CLK3: variants seen among roughly 807,000 people sequenced by gnomAD.
CLK3 encodes the protein dual specificity protein kinase CLK3.
Under a neutral mutation model 65.2 loss-of-function variants are expected in CLK3, and 24 were observed. The observed-to-expected ratio is 0.37, with a 90% CI of 0.27 to 0.52. CLK3 has a LOEUF of 0.52. CLK3 is among the 20% of genes least tolerant of loss of function. CLK3 has a pLI of 0.92. For missense variants in CLK3, 506 were observed against 660.0 expected (o/e 0.77, Z 2.56); for synonymous variants, 252 against 240.8 (o/e 1.05, Z -0.43).
In CLK3 at chr15:74,630,156, C is replaced by T; in HGVS notation, c.*273C>T. ...GTGTGTCCATCTCCAGGCTCCTTGCCTTCCCCTTACCTGACCTTATTAATA... is the reference window on the plus strand; with the variant it reads ...GTGTGTCCATCTCCAGGCTCCTTGCTTTCCCCTTACCTGACCTTATTAATA... On this transcript the variant is annotated 3_prime_UTR_variant, in exon 13 of 13. Coordinates refer to ENST00000395066, the MANE Select transcript of CLK3 (RefSeq NM_001130028.2). 1 of 398,316 alleles carries T rather than the reference C, an allele frequency of 2.5e-6. No individual in the cohort carries two copies. The highest frequency in any genetic ancestry group is 4.6e-6 in the Non-Finnish European group (1 of 219,384). The allele number at this position is 398,316 out of a possible 1,614,324, so 24.7% of individuals were successfully genotyped here.
In CLK3 at chr15:74,624,992, C is replaced by A; in HGVS notation, c.624C>A (p.Ile208=). 6.2e-7 allele frequency: 1 copy of A among 1,613,780 alleles called. No individual in the cohort carries two copies. Among genetic ancestry groups the A allele is most frequent in the Non-Finnish European group, 8.5e-7 (1 of 1,179,796 alleles). The change falls in exon 6 of 13, where the codon ATC becomes ATA. Residue 208 remains isoleucine (I), a synonymous_variant. Transcript: ENST00000395066. This position sits in a 1 kb window ranked among gnomAD's most constrained non-coding sequence, Gnocchi z 4.2. ...TAGAAATCAACGTGCTCAAAAAAAT[C>A]AAGGAGAAGGACAAAGAAAACAAGT... ...ARLEINVLKK[I]KEKDKENKFL... is the part of the protein sequence containing the mutation.
At chr15:74,615,095 A>G (rs1345229295), upstream of CLK3, 1 of 256,096 alleles carries the variant, frequency 3.9e-6, no homozygotes, top group Admixed American at 5.5e-5. Context: ...GGCCTCTGCA[A>G]AAGGGGGCTG....
At chr15:74,615,635 G>A (rs767730663), upstream of CLK3, 16 of 1,252,080 alleles carry the variant, frequency 1.3e-5, no homozygotes, top group Admixed American at 4.2e-5. Context: ...GGCGGGAGGC[G>A]GGCCGGGCCA....
intron 6 of CLK3, among the ~76,000 whole-genome samples, chr15:74,625,293 T>C (rs927325005): frequency 1.3e-5 from 2 of 152,078 alleles, no homozygotes; most frequent in African/African-American, 4.8e-5. Context: ...AAACATGAAG[T>C]TGGGGCTCTC....
chr15:74,622,081 C>A lies in CLK3; in HGVS notation c.370-39C>A, dbSNP rs201329852. The A allele has an allele frequency of 1.3e-6, 2 of 1,588,594 alleles. No homozygotes were observed. Among genetic ancestry groups the A allele is most frequent in the Non-Finnish European group, 1.7e-6 (2 of 1,157,034 alleles). On this transcript the variant is annotated intron_variant, in intron 3 of 12. Coordinates refer to ENST00000395066, the MANE Select transcript of CLK3 (RefSeq NM_001130028.2). This position sits in a 1 kb window ranked among gnomAD's most constrained non-coding sequence, Gnocchi z 4.6. ...CTGTCAATCGGAACCGCCTACCATGCGATTGGTCGGATGGCGTTTCGGGGG... is the reference window on the plus strand; with the variant it reads ...CTGTCAATCGGAACCGCCTACCATGAGATTGGTCGGATGGCGTTTCGGGGG...
chr15:74,627,324 A>G lies in CLK3; in HGVS notation c.818-28A>G. ...CAGGAGAGCCAGCTTCTCAGTGCCT[A>G]CTTCCCCTTCTTTCCCTGCTACCTT... On this transcript the variant is annotated intron_variant, in intron 7 of 12. Coordinates refer to ENST00000395066, the MANE Select transcript of CLK3 (RefSeq NM_001130028.2). The surrounding 1 kb of genome is among the most constrained non-coding windows in gnomAD (Gnocchi z 4.3). 1 of 1,582,658 alleles carries G rather than the reference A, an allele frequency of 6.3e-7. No homozygotes were observed. Among genetic ancestry groups the G allele is most frequent in the Non-Finnish European group, 8.7e-7 (1 of 1,151,398 alleles).
At position 74,625,855 on chromosome 15, in the gene CLK3, C is replaced by T; in HGVS notation, c.704C>T (p.Ala235Val). The change falls in exon 7 of 13, where the codon GCC becomes GTC. Residue 235 changes from alanine (A) to valine (V), a missense_variant. By Grantham distance (64) the Ala-to-Val change is moderately conservative. Coordinates refer to ENST00000395066, the MANE Select transcript of CLK3 (RefSeq NM_001130028.2). Reference protein sequence around the residue: ...WFNFHGHMCIAFELLGKNTFE... With the variant: ...WFNFHGHMCIVFELLGKNTFE... The stretch of plus-strand genomic sequence containing the variant: ...AACTTCCACGGTCACATGTGCATCG[C>T]CTTTGAGCTCCTGGGCAAGAACACC... 1 of 1,614,152 alleles carries T rather than the reference C, an allele frequency of 6.2e-7. No individual in the cohort carries two copies. The highest frequency in any genetic ancestry group is 8.5e-7 in the Non-Finnish European group (1 of 1,180,026).
rs957909642 is a variant in CLK3, at chr15:74,627,982, C to T, written c.1055C>T (p.Ala352Val). 6.2e-7 allele frequency: 1 copy of T among 1,613,266 alleles called. No individual in the cohort carries two copies. Among genetic ancestry groups the T allele is most frequent in the Non-Finnish European group, 8.5e-7 (1 of 1,179,164 alleles). The change falls in exon 10 of 13, where the codon GCA becomes GTA. Residue 352 changes from alanine to valine, a missense_variant. By Grantham distance (64) the Ala-to-Val change is moderately conservative. Coordinates refer to ENST00000395066, the MANE Select transcript of CLK3 (RefSeq NM_001130028.2). The surrounding 1 kb of genome is among the most constrained non-coding windows in gnomAD (Gnocchi z 4.3). Reference sequence around the variant, plus strand: ...TCTTGGCTTGCAGAGCTGGGCTGGGCACAGCCCTGTGACGTCTGGAGCATT... The same window carrying T: ...TCTTGGCTTGCAGAGCTGGGCTGGGTACAGCCCTGTGACGTCTGGAGCATT... The part of the protein sequence containing the change: ...PPEVILELGW[A>V]QPCDVWSIGC...
Position 74,625,031 on chromosome 15 carries a change from A to G in CLK3, c.650+13A>G. The G allele has an allele frequency of 6.3e-7, 1 of 1,596,052 alleles. No individual in the cohort carries two copies. Among genetic ancestry groups the G allele is most frequent in the Non-Finnish European group, 8.6e-7 (1 of 1,163,706 alleles). ...AAGAAAACAAGTTGTGAGTATCTGC[A>G]AGGAGTGGGAGGGAAGCCTTCAGTG... On this transcript the variant is annotated intron_variant, in intron 6 of 12. Transcript: ENST00000395066.
chr15:74,615,538 G>C, upstream of CLK3: 1 of 1,285,986 alleles, frequency 7.8e-7, no homozygotes, highest in Non-Finnish European at 9.9e-7. Context: ...CCACGGCCAG[G>C]TCGGGGCCCC....
chr15:74,619,120 C>T, intron 1 of CLK3, 77 bp from the exon 2 acceptor site: 34 of 1,569,072 alleles, frequency 2.2e-5, no homozygotes, highest in Non-Finnish European at 2.6e-5. Context: ...CAGGAGCAAC[C>T]GGGAAGCCCC....
At chr15:74,612,070 C>T (rs950868201), upstream of CLK3, among the ~76,000 whole-genome samples, 15 of 152,226 alleles carry the variant, frequency 9.9e-5, no homozygotes, top group Non-Finnish European at 1.9e-4. Context: ...ACCCCATTAT[C>T]CTCACAGCAG....
chr15:74,614,968 G>A (rs940026877), upstream of CLK3: 97 of 156,044 alleles, frequency 6.2e-4, 1 homozygote, highest in African/African-American at 1.7e-3. Context: ...CACGCTCACA[G>A]TGAGGTCTCA....
Position 74,627,935 on chromosome 15 carries a change from C to G in CLK3, c.1043-35C>G, listed in dbSNP as rs373269574. ...GACTTCCAGGCTGGAAGCATAAGGC[C>G]GGATCTCACAGCCTCTCCCCATCTT... is the stretch of plus-strand genomic sequence containing the variant. On this transcript the variant is annotated intron_variant, in intron 9 of 12. Transcript: ENST00000395066. The surrounding 1 kb of genome is among the most constrained non-coding windows in gnomAD (Gnocchi z 4.3). 3 of 1,528,994 alleles carry G rather than the reference C, an allele frequency of 2.0e-6. No individual in the cohort carries two copies. Among genetic ancestry groups the G allele is most frequent in the African/African-American group, 1.4e-5 (1 of 73,256 alleles). The allele number at this position is 1,528,994 out of a possible 1,614,324, so 94.7% of individuals were successfully genotyped here. A position where few individuals can be genotyped will look rare whatever the true frequency, so the allele number is the denominator to read the frequency against.
At chr15:74,619,734 C>G (rs2062086532) in intron 2 of CLK3, among the ~76,000 whole-genome samples, 1 of 152,156 alleles carries the variant, frequency 6.6e-6, no homozygotes, top group African/African-American at 2.4e-5. Flanking sequence ...CCACAGGGAA[C>G]TCTGGAAGGG....
chr15:74,627,360 G>A lies in CLK3; in HGVS notation c.826G>A (p.Glu276Lys). ...TTTCCCTGCTACCTTAGTTCTGCAT[G>A]AGAATCAGCTGACCCATACAGACTT... ...QLCHALRFLH[E>K]NQLTHTDLKP... Residue 276 changes from glutamate to lysine, a missense_variant, in exon 8 of 13, where the codon GAG becomes AAG. Glu to Lys is a moderately conservative substitution (Grantham distance 56). This residue lies in a region of CLK3 where 325 missense variants were observed against 500.5 expected (regional missense o/e 0.65). Transcript: ENST00000395066. This position sits in a 1 kb window ranked among gnomAD's most constrained non-coding sequence, Gnocchi z 4.3. The A allele has an allele frequency of 6.2e-7, 1 of 1,613,824 alleles. No individual in the cohort carries two copies. Among genetic ancestry groups the A allele is most frequent in the Non-Finnish European group, 8.5e-7 (1 of 1,179,734 alleles).
chr15:74,625,746 G>C, intron 6 of CLK3, 56 bp from the exon 7 acceptor site: 1 of 1,593,466 alleles, frequency 6.3e-7, no homozygotes. Context: ...TCTGAGAGAG[G>C]GGGTGAGGCA....
In CLK3 at chr15:74,622,435, CA is replaced by C. The variant is rs2062111067; in HGVS notation, c.467-58del. The C allele has an allele frequency of 1.5e-6, 2 of 1,326,912 alleles. No individual in the cohort carries two copies. The highest frequency in any genetic ancestry group is 4.6e-5 in the East Asian group (2 of 43,106). The allele number at this position is 1,326,912 out of a possible 1,614,324, so 82.2% of individuals were successfully genotyped here. ...TGAGAATTTGAATGCTGTGAACTTG[CA>C]GGAGCTGCCAACCCCCTGCCCTCCA... On this transcript the variant is annotated intron_variant, in intron 4 of 12. Transcript: ENST00000395066. The surrounding 1 kb of genome is among the most constrained non-coding windows in gnomAD (Gnocchi z 4.6).
chr15:74,619,906 C>T, intron 2 of CLK3, 103 bp from the exon 3 acceptor site: 1 of 1,550,962 alleles, frequency 6.4e-7, no homozygotes, highest in Non-Finnish European at 8.7e-7. Context: ...GCTTTTAGCA[C>T]AGGCTGTCCC....
Sources: allele counts gnomAD v4.1 joint callset (sites outside exome capture counted in the v4.1 genomes callset), GRCh38; gene constraint gnomAD v4.1.1; regional missense constraint gnomAD v4.1.1; non-coding constraint Gnocchi (gnomAD v3.1); transcripts MANE v1.5; gene names NCBI Gene and HGNC (gene_info 2026-07-23, HGNC 2026-07-21).